TNS3: variants seen among roughly 807,000 people sequenced by gnomAD.
TNS3 encodes the protein tensin 3.
A neutral mutation model predicts 140.9 loss-of-function variants in TNS3; 45 were observed. That is an observed-to-expected ratio of 0.32 (90% CI 0.25 to 0.41). The LOEUF (loss-of-function observed/expected upper bound fraction) is 0.41. Among genes scored for constraint, TNS3 ranks in the 10% least tolerant of loss-of-function variants. TNS3 has a pLI of 1.00. For missense variants in TNS3, 1,716 were observed against 1,906.7 expected (o/e 0.90, Z 1.86); for synonymous variants, 815 against 788.4 (o/e 1.03, Z -0.56).
At chr7:47,485,682 T>A (rs1365838228) in intron 3 of TNS3, among the ~76,000 whole-genome samples, 2 of 152,216 alleles carry the variant, frequency 1.3e-5, no homozygotes, top group Non-Finnish European at 2.9e-5. Context: ...CGAGGGCCCC[T>A]CTGAGAAGCC....
chr7:47,417,064 G>A (rs1044520010), intron 10 of TNS3, among the ~76,000 whole-genome samples: 1 of 152,204 alleles, frequency 6.6e-6, no homozygotes, highest in Non-Finnish European at 1.5e-5. Context: ...TGCCCCATGT[G>A]CACCTGGACC....
chr7:47,536,911 C>T (rs1305096490), intron 1 of TNS3, among the ~76,000 whole-genome samples: 1 of 152,224 alleles, frequency 6.6e-6, no homozygotes, highest in African/African-American at 2.4e-5. Context: ...AGCGGGTACA[C>T]ACCAGCACAG....
At chr7:47,283,393 TA>T (rs1276454885) in intron 28 of TNS3, among the ~76,000 whole-genome samples, 2 of 152,268 alleles carry the variant, frequency 1.3e-5, no homozygotes, top group African/African-American at 4.8e-5. Context: ...GGAACTGAGT[TA>T]AAAGATTTTT....
At chr7:47,516,129 A>G (rs1302191640) in intron 2 of TNS3, among the ~76,000 whole-genome samples, 3 of 152,266 alleles carry the variant, frequency 2.0e-5, no homozygotes, top group South Asian at 2.1e-4. Flanking sequence ...ATGCAAATGT[A>G]TATGACATAT....
rs55834937 is a variant in TNS3 at position 47,399,080 on chromosome 7, G to GAA, written c.919+1311_919+1312dup. Among the ~76,000 whole-genome samples, 770 of 93,518 alleles carry GAA rather than the reference G, an allele frequency of 8.2e-3. 10 individuals are homozygous for GAA. The highest frequency in any genetic ancestry group is 0.027 in the African/African-American group (533 of 19,864). The allele number at this position is 93,518 out of a possible 152,430, so 61.4% of individuals were successfully genotyped here. On this transcript the variant is annotated intron_variant, in intron 15 of 30. Coordinates refer to ENST00000311160, the MANE Select transcript of TNS3 (RefSeq NM_022748.12). ...GAACTCAATTCTTTTTACGACAGCT[G>GAA]AAAAAAAAAAAAAAAAAAAACTAGA...
rs562044477 is a variant in TNS3 at position 47,572,846 on chromosome 7, G to A, written c.-265+9205C>T. On this transcript the variant is annotated intron_variant, in intron 1 of 30. Coordinates refer to ENST00000311160, the MANE Select transcript of TNS3 (RefSeq NM_022748.12). Reference sequence around the variant, plus strand: ...TGAGATCGTGCCTGGGCGACAGAACGAGACTCCGTCTCAAAAAAAAAAAAA... The same window carrying A: ...TGAGATCGTGCCTGGGCGACAGAACAAGACTCCGTCTCAAAAAAAAAAAAA... Among the ~76,000 whole-genome samples, 9 of 151,278 alleles carry A rather than the reference G, an allele frequency of 5.9e-5. No individual in the cohort carries two copies. In the South Asian group the frequency reaches 1.7e-3, roughly 28 times the overall value.
Position 47,297,069 on chromosome 7 carries a change from G to A in TNS3, c.3676+13C>T. The A allele has an allele frequency of 1.2e-6, 2 of 1,614,048 alleles. No homozygotes were observed. The highest frequency in any genetic ancestry group is 2.2e-5 in the East Asian group (1 of 44,884). Reference sequence around the variant, plus strand: ...GATGAGCTGAACAGATCAATAGGGAGCAGTAACCTTACCTTTCTTGTTCAG... The same window carrying A: ...GATGAGCTGAACAGATCAATAGGGAACAGTAACCTTACCTTTCTTGTTCAG... On this transcript the variant is annotated intron_variant, in intron 24 of 30. Coordinates refer to ENST00000311160, the MANE Select transcript of TNS3 (RefSeq NM_022748.12).
intron 16 of TNS3, among the ~76,000 whole-genome samples, chr7:47,376,569 G>A (rs185996274): frequency 2.0e-5 from 3 of 152,188 alleles, no homozygotes; most frequent in Non-Finnish European, 4.4e-5. Flanking sequence ...GAAATCAGAG[G>A]CTGAGAGAGC....
intron 1 of TNS3, among the ~76,000 whole-genome samples, chr7:47,533,757 T>C (rs1013656653): frequency 1.3e-5 from 2 of 152,122 alleles, no homozygotes; most frequent in South Asian, 2.1e-4. Flanking sequence ...AATGAATAAT[T>C]ATCATGAGAT....
In TNS3 at chr7:47,424,172, G is replaced by A. The variant is rs1020367576; in HGVS notation, c.402C>T (p.Ala134=). ...ACTTCTTCATTGCAAACCTGTCAAGGGCCTGGTCGGCGCTGAAGGGGAGAG... is the reference window on the plus strand; with the variant it reads ...ACTTCTTCATTGCAAACCTGTCAAGAGCCTGGTCGGCGCTGAAGGGGAGAG... ...FTNVSASADQ[A]LDRFAMKKFY... The change falls in exon 10 of 31, where the codon GCC becomes GCT. Residue 134 remains alanine, a synonymous_variant. Coordinates refer to ENST00000311160, the MANE Select transcript of TNS3 (RefSeq NM_022748.12). 1 of 1,614,056 alleles carries A rather than the reference G, an allele frequency of 6.2e-7. No individual in the cohort carries two copies. The highest frequency in any genetic ancestry group is 8.5e-7 in the Non-Finnish European group (1 of 1,180,010).
chr7:47,296,841 T>C (rs924380625), intron 24 of TNS3, among the ~76,000 whole-genome samples: 6 of 152,160 alleles, frequency 3.9e-5, no homozygotes, highest in African/African-American at 1.2e-4. Flanking sequence ...TATCCCATGG[T>C]TCTAATTTTT....
intron 2 of TNS3, among the ~76,000 whole-genome samples, chr7:47,511,602 C>T (rs568946386): frequency 5.9e-5 from 9 of 151,882 alleles, no homozygotes; most frequent in African/African-American, 1.9e-4. Context: ...GCCCGAGACC[C>T]GCAGCGCGAG....
intron 3 of TNS3, among the ~76,000 whole-genome samples, chr7:47,488,003 A>C (rs1047562727): frequency 4.6e-5 from 7 of 151,984 alleles, no homozygotes; most frequent in Non-Finnish European, 1.0e-4. Flanking sequence ...CTTACGATAT[A>C]ATTGGGGGTT....
At chr7:47,409,275 G>A (rs776450298) in intron 13 of TNS3, among the ~76,000 whole-genome samples, 3 of 150,316 alleles carry the variant, frequency 2.0e-5, no homozygotes, top group African/African-American at 7.5e-5. Flanking sequence ...GCCCCCGCCC[G>A]CCTGGTCTCA....
At chr7:47,301,664 C>A (rs572267761) in intron 23 of TNS3, among the ~76,000 whole-genome samples, 1 of 150,806 alleles carries the variant, frequency 6.6e-6, no homozygotes, top group South Asian at 2.1e-4. Flanking sequence ...TGACATTGTA[C>A]CAAGCAGAGA....
chr7:47,301,039 C>T (rs1473702476), intron 23 of TNS3, among the ~76,000 whole-genome samples: 11 of 152,174 alleles, frequency 7.2e-5, no homozygotes, highest in Admixed American at 7.2e-4. Flanking sequence ...GAGAGCTGGA[C>T]AGAGCTATTT....
chr7:47,415,726 A>G (rs1158899705), intron 10 of TNS3, among the ~76,000 whole-genome samples: 1 of 152,222 alleles, frequency 6.6e-6, no homozygotes, highest in Non-Finnish European at 1.5e-5. Flanking sequence ...CTTCCACGCC[A>G]CATCTGATAA....
intron 4 of TNS3, among the ~76,000 whole-genome samples, chr7:47,448,687 C>T (rs370128627): frequency 6.6e-6 from 1 of 152,124 alleles, no homozygotes; most frequent in Non-Finnish European, 1.5e-5. Context: ...ACCATGTTGG[C>T]CAGGCTGCTC....
chr7:47,441,218 C>T (rs1795449772), intron 5 of TNS3, among the ~76,000 whole-genome samples: 1 of 152,022 alleles, frequency 6.6e-6, no homozygotes, highest in African/African-American at 2.4e-5. Flanking sequence ...CTCGCTCTGT[C>T]GCCAGGCTGG....
Sources: gnomAD v4.1 joint callset for allele counts (sites outside exome capture counted in the v4.1 genomes callset) on GRCh38, gnomAD v4.1.1 for gene constraint, MANE v1.5 for transcripts, NCBI Gene and HGNC (gene_info 2026-07-23, HGNC 2026-07-21) for gene names.